LOC128092253: variants seen among roughly 807,000 people sequenced by gnomAD.
chr6:133,978,934 T>C, the LOC128092253 span, among the ~76,000 whole-genome samples: 1 of 152,218 alleles, frequency 6.6e-6, no homozygotes, highest in African/African-American at 2.4e-5. Context: ...TTTCTGATCT[T>C]TTTGTGAGTT....
the LOC128092253 span, chr6:133,969,087 C>A: frequency 3.3e-5 from 5 of 152,138 alleles, no homozygotes; most frequent in Non-Finnish European, 7.4e-5. Flanking sequence ...TCTTATATTG[C>A]AAAATATTTC....
the LOC128092253 span, among the ~76,000 whole-genome samples, chr6:133,959,626 C>G: frequency 6.6e-6 from 1 of 152,090 alleles, no homozygotes; most frequent in African/African-American, 2.4e-5. Flanking sequence ...GGATTACAGG[C>G]ACCCACCACC....
chr6:133,975,895 C>T, the LOC128092253 span, among the ~76,000 whole-genome samples: 1 of 152,082 alleles, frequency 6.6e-6, no homozygotes, highest in South Asian at 2.1e-4. Context: ...TCATTGTGTT[C>T]TTTTTGCCTT....
At chr6:133,974,171 GTCTACATCTCT>G in the LOC128092253 span, among the ~76,000 whole-genome samples, 4 of 152,106 alleles carry the variant, frequency 2.6e-5, no homozygotes, top group Non-Finnish European at 4.4e-5. Flanking sequence ...ATGGACCTCT[GTCTACATCTCT>G]ACATCTGTCT....
the LOC128092253 span, among the ~76,000 whole-genome samples, chr6:133,969,439 T>A: frequency 6.6e-6 from 1 of 152,158 alleles, no homozygotes; most frequent in African/African-American, 2.4e-5. Context: ...ATATCTAGAT[T>A]GAGTCTCATA....
chr6:133,974,607 G>A, the LOC128092253 span, among the ~76,000 whole-genome samples: 2 of 152,232 alleles, frequency 1.3e-5, no homozygotes, highest in African/African-American at 4.8e-5. Flanking sequence ...GATTATAGGC[G>A]TAAGCCACCG....
chr6:133,967,161 A>G, the LOC128092253 span, among the ~76,000 whole-genome samples: 3 of 152,112 alleles, frequency 2.0e-5, no homozygotes, highest in African/African-American at 7.2e-5. Flanking sequence ...TGTTTCCTGA[A>G]CCGAGTCTGT....
chr6:133,956,346 G>A, the LOC128092253 span, among the ~76,000 whole-genome samples: 1 of 152,192 alleles, frequency 6.6e-6, no homozygotes, highest in Non-Finnish European at 1.5e-5. Flanking sequence ...TGCCGTGTCA[G>A]GTGTGCAAAG....
At chr6:133,970,797 A>G in the LOC128092253 span, among the ~76,000 whole-genome samples, 11 of 152,112 alleles carry the variant, frequency 7.2e-5, no homozygotes, top group African/African-American at 2.4e-4. Context: ...AATTGAGTCT[A>G]TCTGTGTTGC....
the LOC128092253 span, among the ~76,000 whole-genome samples, chr6:133,958,136 C>G: frequency 6.6e-6 from 1 of 152,180 alleles, no homozygotes; most frequent in Admixed American, 6.5e-5. Context: ...AAAGGAAGGC[C>G]GACAAAGCCT....
the LOC128092253 span, among the ~76,000 whole-genome samples, chr6:133,969,394 C>G: frequency 6.6e-6 from 1 of 151,172 alleles, no homozygotes; most frequent in Non-Finnish European, 1.5e-5. Flanking sequence ...AAATTATTCA[C>G]ATGAATGCTA....
At chr6:133,973,100 G>T in the LOC128092253 span, among the ~76,000 whole-genome samples, 1 of 152,206 alleles carries the variant, frequency 6.6e-6, no homozygotes, top group Non-Finnish European at 1.5e-5. Flanking sequence ...TGTGTTGAGA[G>T]ACTGTCAAGT....
At chr6:133,977,566 A>G in the LOC128092253 span, among the ~76,000 whole-genome samples, 119 of 152,348 alleles carry the variant, frequency 7.8e-4, no homozygotes, top group African/African-American at 2.7e-3. Flanking sequence ...ATATAAAAAC[A>G]AGTAAAATAG....
At chr6:133,971,579 G>GTGT in the LOC128092253 span, among the ~76,000 whole-genome samples, 33 of 151,052 alleles carry the variant, frequency 2.2e-4, no homozygotes, top group East Asian at 1.4e-3. Context: ...CAATACATAG[G>GTGT]TGTTGTTGTT....
chr6:133,953,767 CG>C, the LOC128092253 span, among the ~76,000 whole-genome samples: 11,846 of 151,948 alleles, frequency 0.078, 444 homozygotes, highest in Non-Finnish European at 0.085. Flanking sequence ...CTGGGAAAGA[CG>C]GGGAAAAGAG....
the LOC128092253 span, among the ~76,000 whole-genome samples, chr6:133,955,052 A>G: frequency 0.14 from 21,805 of 152,042 alleles, 2,014 homozygotes; most frequent in African/African-American, 0.27. Context: ...TTAAGAAGAA[A>G]AAGATAGATT....
chr6:133,974,256 G>C, the LOC128092253 span, among the ~76,000 whole-genome samples: 1 of 152,096 alleles, frequency 6.6e-6, no homozygotes, highest in Non-Finnish European at 1.5e-5. Flanking sequence ...TATTTAACTA[G>C]TTCCTTTTCA....
the LOC128092253 span, among the ~76,000 whole-genome samples, chr6:133,961,961 A>G: frequency 6.6e-6 from 1 of 152,166 alleles, no homozygotes; most frequent in South Asian, 2.1e-4. Flanking sequence ...TTTTGTTCTG[A>G]GCTGTATTCC....
the LOC128092253 span, among the ~76,000 whole-genome samples, chr6:133,966,706 A>G: frequency 6.6e-6 from 1 of 152,054 alleles, no homozygotes; most frequent in South Asian, 2.1e-4. Flanking sequence ...TAGGCCACAA[A>G]CCTGCAGTCA....
Sources: gnomAD v4.1 joint callset for allele counts (sites outside exome capture counted in the v4.1 genomes callset) on GRCh38, gnomAD v4.1.1 for gene constraint, MANE v1.5 for transcripts.